Variants in GPC6 observed in about 807,000 individuals in gnomAD.
GPC6 encodes the protein glypican 6, also known as glypican-6.
In GPC6, 14 loss-of-function variants were observed where a neutral mutation model predicts 55.2. That is an observed-to-expected ratio of 0.25 (90% CI 0.17 to 0.40). The LOEUF is 0.40. GPC6 is among the 10% of genes least tolerant of loss of function. The probability of loss-of-function intolerance (pLI) is 1.00; values close to 1 mark genes in which losing one functional copy is unlikely to be tolerated. For missense variants in GPC6, 641 were observed against 708.5 expected (o/e 0.90, Z 1.08); for synonymous variants, 278 against 259.6 (o/e 1.07, Z -0.68).
rs181131221 is a variant in GPC6 at position 93,300,505 on chromosome 13, G to A, written c.160+72889G>A. Among the ~76,000 whole-genome samples, 1,133 of 151,724 alleles carry A rather than the reference G, an allele frequency of 7.5e-3. 18 individuals carry two copies. Among genetic ancestry groups the A allele is most frequent in the African/African-American group, 0.025 (1,046 of 41,386 alleles). On this transcript the variant is annotated intron_variant, in intron 1 of 8. Transcript: ENST00000377047. ...CTACTAAAAATACAAAAAATTAGCCGGGCGTGGTGGCGGGTGCCTGTAGTC... is the reference window on the plus strand; with the variant it reads ...CTACTAAAAATACAAAAAATTAGCCAGGCGTGGTGGCGGGTGCCTGTAGTC...
intron 1 of GPC6, among the ~76,000 whole-genome samples, chr13:93,285,634 G>GTGTGTA (rs1555287683): frequency 4.1e-5 from 6 of 146,930 alleles, no homozygotes; most frequent in South Asian, 2.2e-4. Context: ...GTGTGTGTGT[G>GTGTGTA]TGTGTGTGTG....
chr13:93,330,435 G>A (rs541687941), intron 1 of GPC6, among the ~76,000 whole-genome samples: 1 of 152,216 alleles, frequency 6.6e-6, no homozygotes, highest in African/African-American at 2.4e-5. Flanking sequence ...GGCTAAGGTA[G>A]GAGCATTGTC....
intron 4 of GPC6, among the ~76,000 whole-genome samples, chr13:94,271,355 TA>T (rs1566617781): frequency 7.8e-6 from 1 of 128,168 alleles, no homozygotes. Context: ...ACTTGTTAAA[TA>T]CACACACACA....
chr13:93,532,097 CA>C (rs1881891262), intron 1 of GPC6, among the ~76,000 whole-genome samples: 1 of 152,144 alleles, frequency 6.6e-6, no homozygotes. Context: ...CTGTTTTGCC[CA>C]AGTGAGCCCT....
At chr13:93,474,944 T>C (rs1466888010) in intron 1 of GPC6, among the ~76,000 whole-genome samples, 6 of 152,232 alleles carry the variant, frequency 3.9e-5, no homozygotes, top group Admixed American at 3.9e-4. Flanking sequence ...GAAGGATTGC[T>C]GGAGGTCAGA....
At chr13:94,123,040 C>G (rs902076677) in intron 4 of GPC6, among the ~76,000 whole-genome samples, 13 of 151,778 alleles carry the variant, frequency 8.6e-5, no homozygotes, top group Non-Finnish European at 1.9e-4. Context: ...TAGCTCAAAC[C>G]CAGTTTAAAA....
intron 4 of GPC6, among the ~76,000 whole-genome samples, chr13:94,132,977 A>G (rs1430837630): frequency 6.6e-6 from 1 of 152,168 alleles, no homozygotes; most frequent in East Asian, 1.9e-4. Context: ...TTTAGGTTTT[A>G]TCAGATTTTG....
chr13:93,808,725 A>C (rs951041867), intron 2 of GPC6, among the ~76,000 whole-genome samples: 19 of 152,340 alleles, frequency 1.2e-4, no homozygotes, highest in African/African-American at 4.3e-4. Context: ...ACAGATAGTT[A>C]CTGAGTACCT....
At chr13:94,381,897 C>A (rs539638929) in intron 6 of GPC6, among the ~76,000 whole-genome samples, 10 of 152,160 alleles carry the variant, frequency 6.6e-5, no homozygotes, top group African/African-American at 2.4e-4. Flanking sequence ...TGCTTACCAC[C>A]CATGTGTGTG....
intron 2 of GPC6, among the ~76,000 whole-genome samples, chr13:93,801,776 A>G (rs1405247920): frequency 6.6e-6 from 1 of 152,226 alleles, no homozygotes; most frequent in Admixed American, 6.5e-5. Flanking sequence ...TAGGAATAGG[A>G]GAAACCTGAA....
chr13:94,381,448 C>A (rs539960094), intron 6 of GPC6, among the ~76,000 whole-genome samples: 91 of 152,260 alleles, frequency 6.0e-4, no homozygotes, highest in African/African-American at 2.1e-3. Context: ...TTCATATTTT[C>A]TTTCCTCTGT....
At chr13:93,953,588 AC>A (rs1021609977) in intron 3 of GPC6, among the ~76,000 whole-genome samples, 2 of 152,206 alleles carry the variant, frequency 1.3e-5, no homozygotes, top group South Asian at 2.1e-4. Context: ...TTGAAATCAA[AC>A]ATCAATTTAT....
chr13:94,183,537 A>G (rs1022387675), intron 4 of GPC6, among the ~76,000 whole-genome samples: 1 of 152,214 alleles, frequency 6.6e-6, no homozygotes, highest in African/African-American at 2.4e-5. Flanking sequence ...GTATACAAGT[A>G]TCTGGCTGAG....
chr13:93,330,692 G>A (rs1426271300), intron 1 of GPC6, among the ~76,000 whole-genome samples: 1 of 152,136 alleles, frequency 6.6e-6, no homozygotes, highest in Non-Finnish European at 1.5e-5. Context: ...AACAGTGGCT[G>A]ATCTCGATTC....
chr13:93,227,237 A>G lies in GPC6; in HGVS notation c.-220A>G. 2.0e-6 allele frequency: 1 copy of G among 496,884 alleles called. No individual in the cohort carries two copies. Among genetic ancestry groups the G allele is most frequent in the Non-Finnish European group, 3.6e-6 (1 of 278,218 alleles). 30.8% of individuals were successfully genotyped at this position (496,884 alleles called of 1,614,324 possible). On this transcript the variant is annotated 5_prime_UTR_variant, in exon 1 of 9. Transcript: ENST00000377047. The surrounding 1 kb of genome is among the most constrained non-coding windows in gnomAD (Gnocchi z 4.3). ...AGAGGAGCAAGGCAGCAGCCTTCCC[A>G]GCCAGCCCTTGTTGGCTTGCCATCG...
intron 1 of GPC6, among the ~76,000 whole-genome samples, chr13:93,393,895 T>G (rs899431391): frequency 2.0e-5 from 3 of 152,138 alleles, no homozygotes; most frequent in African/African-American, 7.2e-5. Context: ...CCTTCCTCAC[T>G]TTTTATATAG....
intron 1 of GPC6, among the ~76,000 whole-genome samples, chr13:93,502,974 A>G (rs1566392320): frequency 6.6e-6 from 1 of 152,208 alleles, no homozygotes; most frequent in East Asian, 1.9e-4. Context: ...AAAATTTTAA[A>G]AAAAGAAGAG....
At chr13:94,396,360 T>A (rs1372716496) in intron 7 of GPC6, among the ~76,000 whole-genome samples, 1 of 152,196 alleles carries the variant, frequency 6.6e-6, no homozygotes, top group Non-Finnish European at 1.5e-5. Flanking sequence ...TACTTTAACA[T>A]GTATTGAAGT....
intron 5 of GPC6, among the ~76,000 whole-genome samples, chr13:94,298,546 G>A (rs1010927380): frequency 2.0e-5 from 3 of 152,120 alleles, no homozygotes; most frequent in African/African-American, 7.2e-5. Flanking sequence ...GAGCCCAGCT[G>A]TCTCCAGCAC....
Sources: allele counts gnomAD v4.1 joint callset (sites outside exome capture counted in the v4.1 genomes callset), GRCh38; gene constraint gnomAD v4.1.1; non-coding constraint Gnocchi (gnomAD v3.1); transcripts MANE v1.5; gene names NCBI Gene and HGNC (gene_info 2026-07-23, HGNC 2026-07-21).